Variants in SYNJ2 observed in about 807,000 individuals in gnomAD.
The protein encoded by SYNJ2 is polyphosphatidylinositol phosphatase SYNJ2.
A neutral mutation model predicts 141.3 loss-of-function variants in SYNJ2; 116 were observed. That is an observed-to-expected ratio of 0.82 (90% CI 0.71 to 0.96). The LOEUF (loss-of-function observed/expected upper bound fraction) is 0.96. Among genes scored for constraint, SYNJ2 ranks in the 40% least tolerant of loss-of-function variants. The pLI is 0.00. For missense variants in SYNJ2, 1,873 were observed against 1,934.8 expected (o/e 0.97, Z 0.60); for synonymous variants, 745 against 777.7 (o/e 0.96, Z 0.70).
intron 12 of SYNJ2, chr6:158,067,729 G>A (rs76377208): frequency 0.034 from 33,506 of 985,084 alleles, 818 homozygotes; most frequent in Admixed American, 0.17. Flanking sequence ...CTGTGCACAC[G>A]CCATCTGTGC....
intron 1 of SYNJ2, among the ~76,000 whole-genome samples, chr6:158,011,102 G>C (rs1014016657): frequency 2.0e-5 from 3 of 151,828 alleles, no homozygotes; most frequent in Non-Finnish European, 4.4e-5. Flanking sequence ...ATGACAATTG[G>C]GGGACACCAC....
At chr6:158,047,811 A>G (rs1012150938) in intron 5 of SYNJ2, among the ~76,000 whole-genome samples, 15 of 136,392 alleles carry the variant, frequency 1.1e-4, no homozygotes, top group African/African-American at 4.1e-4. Context: ...AAAAACACAC[A>G]GTATCTAGAA....
At position 158,040,266 on chromosome 6, in the gene SYNJ2, CAT is replaced by C. The variant is rs1464128401; in HGVS notation, c.712-3049_712-3048del. 2.0e-5 allele frequency among the ~76,000 whole-genome samples: 3 copies of C among 148,370 alleles called. No individual in the cohort carries two copies. Among genetic ancestry groups the C allele is most frequent in the Non-Finnish European group, 4.4e-5 (3 of 67,966 alleles). On this transcript the variant is annotated intron_variant, in intron 4 of 26. Transcript: ENST00000355585. The surrounding 1 kb of genome is among the most constrained non-coding windows in gnomAD (Gnocchi z 4.2). ...CATGTGCATTGTGCATTTGTGTATACATGTGTGTGGTGTGTGCCTTGTGTTTG... is the reference window on the plus strand; with the variant it reads ...CATGTGCATTGTGCATTTGTGTATACGTGTGTGGTGTGTGCCTTGTGTTTG...
At chr6:158,026,371 G>A (rs541627950) in intron 2 of SYNJ2, among the ~76,000 whole-genome samples, 13 of 152,322 alleles carry the variant, frequency 8.5e-5, no homozygotes, top group South Asian at 2.1e-4. Context: ...CTCTCTGTGC[G>A]TCTGTTTCCC....
chr6:158,025,998 T>A (rs1000979818), intron 2 of SYNJ2, among the ~76,000 whole-genome samples: 1 of 62,446 alleles, frequency 1.6e-5, no homozygotes, highest in Non-Finnish European at 3.9e-5. Flanking sequence ...CATACATACG[T>A]ACATACATAC....
At chr6:158,031,632 G>A (rs1562339902) in intron 3 of SYNJ2, among the ~76,000 whole-genome samples, 1 of 152,260 alleles carries the variant, frequency 6.6e-6, no homozygotes, top group African/African-American at 2.4e-5. Context: ...GAGGTCTGGA[G>A]ACCCACAGCA....
At position 158,081,523 on chromosome 6, in the gene SYNJ2, T is replaced by C; in HGVS notation, c.2865+13T>C. On this transcript the variant is annotated intron_variant, in intron 20 of 26. Transcript: ENST00000355585. ...GGACGGTATGAAGGTACGCTGTACTTGGCCACACTGTGGAGTGGGGTCTGA... is the reference window on the plus strand; with the variant it reads ...GGACGGTATGAAGGTACGCTGTACTCGGCCACACTGTGGAGTGGGGTCTGA... The C allele has an allele frequency of 6.2e-7, 1 of 1,611,906 alleles. No homozygotes were observed. Among genetic ancestry groups the C allele is most frequent in the South Asian group, 1.1e-5 (1 of 91,012 alleles).
chr6:158,029,568 GAAA>G (rs1779256131), intron 3 of SYNJ2, among the ~76,000 whole-genome samples: 1 of 151,718 alleles, frequency 6.6e-6, no homozygotes, highest in South Asian at 2.1e-4. Flanking sequence ...CTGTCTCAAA[GAAA>G]AAGAAAGAAA....
chr6:158,073,360 A>G lies in SYNJ2; in HGVS notation c.2134-1220A>G, dbSNP rs866886214. ...TTACAGGCGTGCACCACCAGGCCCAACTAGTTTTTGTATTTTTAGTAGAGA... is the reference window on the plus strand; with the variant it reads ...TTACAGGCGTGCACCACCAGGCCCAGCTAGTTTTTGTATTTTTAGTAGAGA... On this transcript the variant is annotated intron_variant, in intron 15 of 26. Transcript: ENST00000355585. 4.8e-4 allele frequency among the ~76,000 whole-genome samples: 73 copies of G among 151,938 alleles called. 1 individual carries two copies. Among genetic ancestry groups the G allele is most frequent in the Non-Finnish European group, 4.1e-4 (28 of 67,970 alleles).
chr6:158,090,530 GTTTTTTTTTTTGTTTTTTT>G (rs1275057352), intron 25 of SYNJ2, among the ~76,000 whole-genome samples: 1 of 114,698 alleles, frequency 8.7e-6, no homozygotes, highest in African/African-American at 3.1e-5. Flanking sequence ...CCTTTTCTTC[GTTTTTTTTTTTGTTTTTTT>G]TTTTTTTTTT....
intron 17 of SYNJ2, chr6:158,077,650 T>TAAAAAAAAAAAAAAAAAAAAAAAA (rs56028079): frequency 7.8e-6 from 1 of 128,208 alleles, no homozygotes; most frequent in African/African-American, 2.9e-5. Context: ...AACTAGTACA[T>TAAAAAAAAAAAAAAAAAAAAAAAA]AAAAAAAAAA....
intron 2 of SYNJ2, chr6:158,017,773 A>G: frequency 1.9e-6 from 1 of 532,534 alleles, no homozygotes; most frequent in South Asian, 1.4e-5. Flanking sequence ...CTCCTGCAGG[A>G]ACCTGCAGGT....
intron 5 of SYNJ2, among the ~76,000 whole-genome samples, chr6:158,051,016 C>T (rs1583410419): frequency 6.6e-6 from 1 of 151,980 alleles, no homozygotes. Context: ...AACGGGGGAG[C>T]TATAGAGCCT....
chr6:158,091,530 C>T (rs1250709260), intron 25 of SYNJ2, among the ~76,000 whole-genome samples: 9 of 151,592 alleles, frequency 5.9e-5, no homozygotes, highest in Middle Eastern at 3.4e-3. Flanking sequence ...AGGCGGATCA[C>T]GAGGTTAGGA....
chr6:158,083,563 C>T lies in SYNJ2; in HGVS notation c.3000C>T (p.Asn1000=). Residue 1000 remains asparagine, a synonymous_variant, in exon 21 of 27, where the codon AAC becomes AAT. Coordinates refer to ENST00000355585, the MANE Select transcript of SYNJ2 (RefSeq NM_003898.4). ...CCAACTCCTGTTTGCTGGAGGAAAA[C>T]TTTGACTTCACAAGTTTGGACTATG... is the stretch of plus-strand genomic sequence containing the variant. The part of the protein sequence containing the change: ...PTANSCLLEE[N]FDFTSLDYES... The T allele has an allele frequency of 6.2e-7, 1 of 1,614,176 alleles. No individual in the cohort carries two copies. The highest frequency in any genetic ancestry group is 8.5e-7 in the Non-Finnish European group (1 of 1,180,044).
intron 26 of SYNJ2, among the ~76,000 whole-genome samples, chr6:158,094,730 T>C (rs576668834): frequency 6.6e-5 from 10 of 152,372 alleles, no homozygotes; most frequent in Admixed American, 3.3e-4. Context: ...GTTTAACTAG[T>C]CTACTGATCA....
chr6:157,991,826 A>G (rs1777436765), intron 1 of SYNJ2, among the ~76,000 whole-genome samples: 1 of 152,212 alleles, frequency 6.6e-6, no homozygotes, highest in Admixed American at 6.5e-5. Flanking sequence ...ACATGAGATT[A>G]TCTCTCCTTG....
intron 1 of SYNJ2, among the ~76,000 whole-genome samples, chr6:158,005,404 G>A (rs868578223): frequency 2.6e-5 from 4 of 152,246 alleles, no homozygotes; most frequent in Middle Eastern, 3.4e-3. Flanking sequence ...CCACTGGGAT[G>A]GCGACCCTTA....
At chr6:158,069,405 T>C in intron 13 of SYNJ2, 128 bp from the exon 14 acceptor site, 1 of 1,173,968 alleles carries the variant, frequency 8.5e-7, no homozygotes, top group Non-Finnish European at 1.2e-6. Context: ...ATGACACTAA[T>C]ATTGGGGTGC....
Sources: allele counts gnomAD v4.1 joint callset (sites outside exome capture counted in the v4.1 genomes callset), GRCh38; gene constraint gnomAD v4.1.1; non-coding constraint Gnocchi (gnomAD v3.1); transcripts MANE v1.5; gene names NCBI Gene and HGNC (gene_info 2026-07-23, HGNC 2026-07-21).